The following LRP2BP variants were observed in gnomAD, a reference collection of about 807,000 sequenced individuals.
LRP2BP encodes the protein LRP2-binding protein.
In LRP2BP, 38 loss-of-function variants were observed where a neutral mutation model predicts 45.2. The ratio of observed to expected loss-of-function variants is 0.84; its 90% CI spans 0.65 to 1.10. The LOEUF is 1.10. LRP2BP is among the 50% of genes least tolerant of loss of function. The pLI is 0.00. For synonymous variants in LRP2BP, 153 were observed against 153.9 expected (o/e 0.99, Z 0.04); for missense variants, 385 against 418.9 (o/e 0.92, Z 0.71).
Position 185,379,812 on chromosome 4 carries a change from TTCTC to T in LRP2BP, c.-21-1609_-21-1606del, listed in dbSNP as rs34458591. ...CTGGCGTGTCCCAGCACCTGCGCAC[TTCTC>T]TCTCTCTCTCTCTCTCTCTGAGACA... On this transcript the variant is annotated intron_variant, in intron 1 of 8. Transcript: ENST00000505916. Among the ~76,000 whole-genome samples, 533 of 149,668 alleles carry T rather than the reference TTCTC, an allele frequency of 3.6e-3. 3 individuals carry two copies. Among genetic ancestry groups the T allele is most frequent in the African/African-American group, 0.012 (479 of 41,004 alleles).
At position 185,376,981 on chromosome 4, in the gene LRP2BP, C is replaced by T; in HGVS notation, c.144G>A (p.Gln48=). Residue 48 remains glutamine (Q), a synonymous_variant, in exon 3 of 9, where the codon CAG becomes CAA. Transcript: ENST00000505916. ...THANLVDKAL[Q]LLKERILKGD... is the part of the protein sequence containing the mutation. ...CTTTCAGTATTCTTTCCTTCAAGAG[C>T]TGCAATGCCTTATCCACCAAATTAG... 1 of 1,613,928 alleles carries T rather than the reference C, an allele frequency of 6.2e-7. No homozygotes were observed. Among genetic ancestry groups the T allele is most frequent in the Non-Finnish European group, 8.5e-7 (1 of 1,179,800 alleles).
chr4:185,381,855 T>TA (rs1459251316), intron 1 of LRP2BP, among the ~76,000 whole-genome samples: 2 of 152,214 alleles, frequency 1.3e-5, no homozygotes, highest in South Asian at 2.1e-4. Context: ...ATCCATTTGT[T>TA]ACACTTTTTA....
intron 1 of LRP2BP, chr4:185,379,146 C>T (rs887767339): frequency 4.9e-6 from 1 of 205,064 alleles, no homozygotes; most frequent in African/African-American, 2.4e-5. Flanking sequence ...TTAAGTTGGA[C>T]TATAAGTGGT....
rs1315296820 is a variant in LRP2BP, at chr4:185,374,394, A to G, written c.398T>C (p.Phe133Ser). The change falls in exon 5 of 9, where the codon TTT becomes TCT. Residue 133 changes from phenylalanine to serine, a missense_variant. Transcript: ENST00000505916. The part of the protein sequence containing the change: ...SPCPKARHLK[F>S]AAAYNLGRAY... ...TCTTCCGAGGTTGTAAGCAGCTGCA[A>G]ATTTTAAGTGTCTTGCTTTGGGACA... The G allele has an allele frequency of 6.2e-7, 1 of 1,613,992 alleles. No individual in the cohort carries two copies. Among genetic ancestry groups the G allele is most frequent in the African/African-American group, 1.3e-5 (1 of 74,924 alleles).
intron 1 of LRP2BP, among the ~76,000 whole-genome samples, chr4:185,388,414 T>G (rs553085194): frequency 5.1e-4 from 15 of 29,228 alleles, no homozygotes; most frequent in Middle Eastern, 0.019. Context: ...GCTCCCAGAT[T>G]TCCTTTTCCT....
chr4:185,382,759 T>C (rs764130346), intron 1 of LRP2BP, among the ~76,000 whole-genome samples: 3 of 152,246 alleles, frequency 2.0e-5, no homozygotes, highest in Non-Finnish European at 2.9e-5. Context: ...TTTGCAATTT[T>C]TTCCCAATGT....
intron 1 of LRP2BP, among the ~76,000 whole-genome samples, chr4:185,393,219 C>T (rs2095492963): frequency 6.6e-6 from 1 of 152,222 alleles, no homozygotes; most frequent in Non-Finnish European, 1.5e-5. Context: ...GCGTGAGCCA[C>T]TGCATCTGGT....
At chr4:185,383,274 C>A (rs566762919) in intron 1 of LRP2BP, among the ~76,000 whole-genome samples, 7 of 152,258 alleles carry the variant, frequency 4.6e-5, no homozygotes, top group Admixed American at 1.3e-4. Context: ...AAGTTCAAGA[C>A]CAGACAGGGC....
intron 8 of LRP2BP, among the ~76,000 whole-genome samples, chr4:185,368,292 T>C (rs1358405513): frequency 1.3e-5 from 2 of 152,178 alleles, no homozygotes; most frequent in African/African-American, 2.4e-5. Flanking sequence ...CCTAACACTC[T>C]AGGAAGTGGG....
intron 1 of LRP2BP, among the ~76,000 whole-genome samples, chr4:185,390,200 A>G (rs1045895555): frequency 1.3e-5 from 2 of 152,104 alleles, no homozygotes; most frequent in Non-Finnish European, 2.9e-5. Context: ...TCTCACTCAT[A>G]TCTCATCAGT....
intron 1 of LRP2BP, chr4:185,378,953 C>A (rs1285439131): frequency 5.1e-6 from 5 of 985,268 alleles, no homozygotes; most frequent in East Asian, 2.3e-4. Context: ...ATAGAGAGAC[C>A]CTTAGTGTGA....
At chr4:185,396,629 CG>C (rs2095503885), upstream of LRP2BP, 1 of 463,952 alleles carries the variant, frequency 2.2e-6, no homozygotes, top group Admixed American at 4.1e-5. Context: ...GGCCAATCGG[CG>C]GATGGCCTCG....
chr4:185,370,106 C>A, intron 8 of LRP2BP: 1 of 161,140 alleles, frequency 6.2e-6, no homozygotes, highest in East Asian at 1.7e-4. Context: ...TCCACTACCA[C>A]ACCCCTTGCT....
intron 1 of LRP2BP, among the ~76,000 whole-genome samples, chr4:185,381,856 AC>A (rs951556927): frequency 2.0e-5 from 3 of 152,162 alleles, no homozygotes; most frequent in Admixed American, 2.0e-4. Context: ...TCCATTTGTT[AC>A]ACTTTTTACA....
chr4:185,378,264 A>C (rs1406029376), intron 1 of LRP2BP, 57 bp from the exon 2 acceptor site: 1 of 1,589,898 alleles, frequency 6.3e-7, no homozygotes, highest in Non-Finnish European at 8.5e-7. Flanking sequence ...CGAAGTGCAA[A>C]GAGAGACTCT....
intron 1 of LRP2BP, among the ~76,000 whole-genome samples, chr4:185,389,708 T>C (rs1229923574): frequency 1.3e-5 from 2 of 152,272 alleles, no homozygotes; most frequent in Middle Eastern, 3.4e-3. Flanking sequence ...GCAGGTGCAG[T>C]TGGTAATACA....
chr4:185,397,189 G>A, upstream of LRP2BP: 1 of 1,613,870 alleles, frequency 6.2e-7, no homozygotes, highest in African/African-American at 1.3e-5. Flanking sequence ...AGGGGCCTCG[G>A]TCAACGCACC....
Position 185,366,768 on chromosome 4 carries a change from AAG to A in LRP2BP, c.*410_*411del, listed in dbSNP as rs2095389365. The A allele has an allele frequency of 6.5e-6, 1 of 152,760 alleles. No individual in the cohort carries two copies. Among genetic ancestry groups the A allele is most frequent in the East Asian group, 1.9e-4 (1 of 5,222 alleles). The allele number at this position is 152,760 out of a possible 1,614,324, so 9.5% of individuals were successfully genotyped here. A position where few individuals can be genotyped will look rare whatever the true frequency, so the allele number is the denominator to read the frequency against. On this transcript the variant is annotated 3_prime_UTR_variant, in exon 9 of 9. Coordinates refer to ENST00000505916, the MANE Select transcript of LRP2BP (RefSeq NM_001377440.1). ...ATTATTATTCAAAATTCACAAAACT[AAG>A]AGACAAATTTAAAGAATTAAACTTT...
rs144800425 is a variant in LRP2BP at position 185,372,989 on chromosome 4, G to C, written c.670C>G (p.Arg224Gly). 6.2e-7 allele frequency: 1 copy of C among 1,613,796 alleles called. No individual in the cohort carries two copies. The highest frequency in any genetic ancestry group is 8.5e-7 in the Non-Finnish European group (1 of 1,179,876). ...GLMYLYGQGI[R>G]QDTEAALQCL... Reference sequence around the variant, plus strand: ...TGCAGGGCAGCTTCCGTATCCTGCCGGATGCCTTGTCCATACAAGTACATG... The same window carrying C: ...TGCAGGGCAGCTTCCGTATCCTGCCCGATGCCTTGTCCATACAAGTACATG... Residue 224 changes from arginine to glycine, a missense_variant, in exon 7 of 9, where the codon CGG becomes GGG. Physicochemically the swap from Arg to Gly is moderately radical, Grantham distance 125. Coordinates refer to ENST00000505916, the MANE Select transcript of LRP2BP (RefSeq NM_001377440.1).
Sources: allele counts gnomAD v4.1 joint callset (sites outside exome capture counted in the v4.1 genomes callset), GRCh38; gene constraint gnomAD v4.1.1; transcripts MANE v1.5; gene names NCBI Gene and HGNC (gene_info 2026-07-23, HGNC 2026-07-21).